The following SRD5A2 variants were observed in gnomAD, a reference collection of about 807,000 sequenced individuals.
The protein encoded by SRD5A2 is steroid 5 alpha-reductase 2.
Under a neutral mutation model 27.4 loss-of-function variants are expected in SRD5A2, and 30 were observed. The observed-to-expected ratio is 1.10, with a 90% CI of 0.82 to 1.49. The LOEUF is 1.49. Ranked by LOEUF, SRD5A2 falls within the 40% of genes most tolerant of loss-of-function variation. SRD5A2 has a pLI of 0.00. For synonymous variants in SRD5A2, 141 were observed against 133.6 expected (o/e 1.06, Z -0.38); for missense variants, 348 against 323.4 (o/e 1.08, Z -0.58).
chr2:31,576,479 T>A (rs1169447538), intron 1 of SRD5A2, among the ~76,000 whole-genome samples: 2 of 67,352 alleles, frequency 3.0e-5, no homozygotes, highest in African/African-American at 1.3e-4. Flanking sequence ...ATGGCAATCA[T>A]TAAAAAGTCA....
the SRD5A2 span, among the ~76,000 whole-genome samples, chr2:31,630,016 T>C: frequency 6.6e-6 from 1 of 152,192 alleles, no homozygotes; most frequent in Non-Finnish European, 1.5e-5. Context: ...AATTTAGGCA[T>C]ACAGCCCTCA....
intron 1 of SRD5A2, among the ~76,000 whole-genome samples, chr2:31,555,914 G>A (rs1360177945): frequency 6.6e-6 from 1 of 152,122 alleles, no homozygotes; most frequent in Non-Finnish European, 1.5e-5. Flanking sequence ...AGGCCAGCCT[G>A]GGCAATATAG....
At position 31,578,586 on chromosome 2, in the gene SRD5A2, T is replaced by C. The variant is rs140915771; in HGVS notation, c.281+2034A>G. Among the ~76,000 whole-genome samples, 332 of 152,282 alleles carry C rather than the reference T, an allele frequency of 2.2e-3. 1 individual carries two copies. The highest frequency in any genetic ancestry group is 3.5e-3 in the Admixed American group (54 of 15,294). ...TAACAGATCACACACTCCAGTGGCT[T>C]CAAAGAAAGAATTCAAAAAAGAGGA... On this transcript the variant is annotated intron_variant, in intron 1 of 4. Coordinates refer to ENST00000622030, the MANE Select transcript of SRD5A2 (RefSeq NM_000348.4).
In SRD5A2 at chr2:31,523,714, G is replaced by A. The variant is rs1048984036; in HGVS notation, c.*2482C>T. The A allele has an allele frequency of 4.5e-6, 1 of 221,170 alleles. No homozygotes were observed. Among genetic ancestry groups the A allele is most frequent in the African/African-American group, 2.2e-5 (1 of 44,670 alleles). The allele number at this position is 221,170 out of a possible 1,614,324, so 13.7% of individuals were successfully genotyped here. ...TATTTTAGCCAAAAAACAGTCCATGGAAACCTCAATTAACTATAATTTTGT... is the reference window on the plus strand; with the variant it reads ...TATTTTAGCCAAAAAACAGTCCATGAAAACCTCAATTAACTATAATTTTGT... On this transcript the variant is annotated 3_prime_UTR_variant, in exon 5 of 5. Transcript: ENST00000622030.
the SRD5A2 span, among the ~76,000 whole-genome samples, chr2:31,642,084 A>C: frequency 6.6e-6 from 1 of 152,158 alleles, no homozygotes; most frequent in African/African-American, 2.4e-5. Context: ...TATAGCCCAG[A>C]AATAGATCCA....
chr2:31,532,634 G>T (rs923521392), intron 2 of SRD5A2, among the ~76,000 whole-genome samples: 1 of 127,938 alleles, frequency 7.8e-6, no homozygotes, highest in Non-Finnish European at 1.6e-5. Context: ...TGTCAGCAAA[G>T]CACTTTGGTG....
At chr2:31,640,412 T>C in the SRD5A2 span, among the ~76,000 whole-genome samples, 1 of 152,174 alleles carries the variant, frequency 6.6e-6, no homozygotes, top group East Asian at 1.9e-4. Flanking sequence ...TTGTGAGTTT[T>C]TATTTATGTC....
the SRD5A2 span, among the ~76,000 whole-genome samples, chr2:31,598,312 G>T: frequency 6.6e-6 from 1 of 151,884 alleles, no homozygotes; most frequent in African/African-American, 2.4e-5. Context: ...GGTGCAAGGG[G>T]GGTGAGAAAT....
At chr2:31,597,750 C>T in the SRD5A2 span, among the ~76,000 whole-genome samples, 1 of 151,936 alleles carries the variant, frequency 6.6e-6, no homozygotes, top group East Asian at 1.9e-4. Flanking sequence ...AACCACAATG[C>T]AATACCACCT....
chr2:31,559,697 G>A (rs1042636533), intron 1 of SRD5A2, among the ~76,000 whole-genome samples: 1 of 152,152 alleles, frequency 6.6e-6, no homozygotes, highest in Non-Finnish European at 1.5e-5. Context: ...ATGAAAGTAA[G>A]GTGAATTGAC....
In SRD5A2 at chr2:31,580,652, AAGTACCGTCCC is replaced by A. The variant is rs1469600869; in HGVS notation, c.238_248del (p.Gly80SerfsTer52). 28 of 1,589,416 alleles carry A rather than the reference AAGTACCGTCCC, an allele frequency of 1.8e-5. No individual in the cohort carries two copies. Among genetic ancestry groups the A allele is most frequent in the Non-Finnish European group, 2.2e-5 (26 of 1,174,344 alleles). ...AGTAATGTAGGCAGAAGAGGCCCAGAAGTACCGTCCCAGGTGGCCCGAAGAGGGAGAGGGGC... is the reference window on the plus strand; with the variant it reads ...AGTAATGTAGGCAGAAGAGGCCCAGAAGGTGGCCCGAAGAGGGAGAGGGGC... On this transcript the variant is annotated frameshift_variant, in exon 1 of 5. Coordinates refer to ENST00000622030, the MANE Select transcript of SRD5A2 (RefSeq NM_000348.4). LOFTEE classifies it high-confidence loss of function.
the SRD5A2 span, among the ~76,000 whole-genome samples, chr2:31,634,149 T>C: frequency 1.1e-5 from 1 of 90,948 alleles, no homozygotes; most frequent in African/African-American, 4.9e-5. Context: ...TATTAAATCT[T>C]GCAACTGCAA....
chr2:31,612,528 A>G, the SRD5A2 span, among the ~76,000 whole-genome samples: 1 of 152,316 alleles, frequency 6.6e-6, no homozygotes, highest in African/African-American at 2.4e-5. Context: ...AGATAGAAGT[A>G]AAAAGAAATA....
chr2:31,655,919 T>C, the SRD5A2 span, among the ~76,000 whole-genome samples: 1 of 152,126 alleles, frequency 6.6e-6, no homozygotes, highest in Admixed American at 6.6e-5. Context: ...TAAACAAAAA[T>C]GCTGGCTGTG....
the SRD5A2 span, among the ~76,000 whole-genome samples, chr2:31,635,796 T>C: frequency 6.6e-6 from 1 of 152,252 alleles, no homozygotes; most frequent in African/African-American, 2.4e-5. Flanking sequence ...ACACAATTTA[T>C]TGAAAAGGAT....
intron 1 of SRD5A2, among the ~76,000 whole-genome samples, chr2:31,566,069 T>C (rs1045745358): frequency 1.4e-4 from 21 of 151,990 alleles, no homozygotes; most frequent in African/African-American, 4.8e-4. Context: ...GTCTGGAAAA[T>C]TCCTAAACAT....
intron 3 of SRD5A2, 132 bp downstream of exon 3, chr2:31,531,239 G>C: frequency 4.8e-6 from 3 of 627,046 alleles, no homozygotes; most frequent in East Asian, 2.8e-5. Flanking sequence ...GTTTGCAGGG[G>C]AAGTCAAGAG....
At chr2:31,559,009 T>G (rs898870762) in intron 1 of SRD5A2, among the ~76,000 whole-genome samples, 1 of 152,220 alleles carries the variant, frequency 6.6e-6, no homozygotes, top group Non-Finnish European at 1.5e-5. Flanking sequence ...AGGAGAGACA[T>G]GCTTCAACCC....
At chr2:31,613,821 T>C in the SRD5A2 span, among the ~76,000 whole-genome samples, 1 of 152,142 alleles carries the variant, frequency 6.6e-6, no homozygotes, top group Non-Finnish European at 1.5e-5. Flanking sequence ...AAGACATGTC[T>C]TGCATGGTGG....
Sources: gnomAD v4.1 joint callset for allele counts (sites outside exome capture counted in the v4.1 genomes callset) on GRCh38, gnomAD v4.1.1 for gene constraint, MANE v1.5 for transcripts, NCBI Gene and HGNC (gene_info 2026-07-23, HGNC 2026-07-21) for gene names.